The following ZNF276 variants were observed in gnomAD, a reference collection of about 807,000 sequenced individuals.
ZNF276 encodes centromere protein Z.
In ZNF276, 59 loss-of-function variants were observed where a neutral mutation model predicts 63.9. The ratio of observed to expected loss-of-function variants is 0.92; its 90% confidence interval spans 0.75 to 1.15. The LOEUF is 1.15. Among genes scored for constraint, ZNF276 ranks in the 50% most tolerant of loss-of-function variants. ZNF276 has a pLI of 0.00. For synonymous variants in ZNF276, 496 were observed against 348.4 expected, an observed-to-expected ratio of 1.42 and a Z score of -4.72; for missense variants, 1,084 against 843.8, an observed-to-expected ratio of 1.28 and a Z score of -3.53.
chr16:89,734,129 G>A, intron 9 of ZNF276, 91 bp downstream of exon 9: 7 of 1,250,770 alleles, frequency 5.6e-6, no homozygotes, highest in Non-Finnish European at 8.0e-6. Flanking sequence ...CCCGCCCCAA[G>A]AGTTGGGGGT....
intron 6 of ZNF276, 96 bp downstream of exon 6, chr16:89,729,414 A>G: frequency 3.6e-6 from 4 of 1,103,128 alleles, no homozygotes; most frequent in Non-Finnish European, 5.5e-6. Flanking sequence ...CACTCAGTTC[A>G]CTCTCTCGTG....
In ZNF276 at chr16:89,738,659, T is replaced by C. The variant is rs1414520846; in HGVS notation, c.*413T>C. On this transcript the variant is annotated 3_prime_UTR_variant, in exon 11 of 11. Transcript: ENST00000443381. The stretch of plus-strand genomic sequence containing the variant: ...GTCAGGGGCAGCCTGCTGTCTGCTC[T>C]GGAGGGCGGCGCTCACCTCTGGGTC... The C allele has an allele frequency of 2.5e-6, 4 of 1,613,704 alleles. No homozygotes were observed. In the South Asian group the frequency reaches 3.3e-5, roughly 13 times the overall value.
Position 89,738,618 on chromosome 16 carries a change from C to G in ZNF276, c.*372C>G, listed in dbSNP as rs1043241541. 1.1e-5 allele frequency: 17 copies of G among 1,613,496 alleles called. No homozygotes were observed. The highest frequency in any genetic ancestry group is 1.4e-5 in the Non-Finnish European group (17 of 1,180,014). ...AGGTCCCGTCAGAAGAGATGAGGCT[C>G]CTGGGACAGGTCAGCGTCAGGGGCA... On this transcript the variant is annotated 3_prime_UTR_variant, in exon 11 of 11. Coordinates refer to ENST00000443381, the MANE Select transcript of ZNF276 (RefSeq NM_001113525.2).
rs957457883 is a variant in ZNF276 at position 89,739,728 on chromosome 16, G to C, written c.*1482G>C. On this transcript the variant is annotated 3_prime_UTR_variant, in exon 11 of 11. Coordinates refer to ENST00000443381, the MANE Select transcript of ZNF276 (RefSeq NM_001113525.2). ...TACCTGTCAGCAGCTGGGAGAGGAT[G>C]GGGGGGTCGACCTCTTGCAGGAGGG... 25 of 1,494,102 alleles carry C rather than the reference G, an allele frequency of 1.7e-5. No individual in the cohort carries two copies. The East Asian group carries it at 3.5e-4, about 21-fold the overall frequency. The allele number at this position is 1,494,102 out of a possible 1,614,324, so 92.6% of individuals were successfully genotyped here.
At position 89,738,454 on chromosome 16, in the gene ZNF276, G is replaced by A. The variant is rs141761812; in HGVS notation, c.*208G>A. On this transcript the variant is annotated 3_prime_UTR_variant, in exon 11 of 11. Transcript: ENST00000443381. ...CGCAAACGCTGAGTGACTCGGGGCC[G>A]GACAGTTCATAAATAATTGATTCCT... 445 of 1,407,558 alleles carry A rather than the reference G, an allele frequency of 3.2e-4. 2 individuals are homozygous for A. The African/African-American group carries it at 4.7e-3, about 15-fold the overall frequency. The allele number at this position is 1,407,558 out of a possible 1,614,324, so 87.2% of individuals were successfully genotyped here.
Position 89,736,166 on chromosome 16 carries a change from T to C in ZNF276, c.1475-1640T>C, listed in dbSNP as rs530765087. Among the ~76,000 whole-genome samples, 4 of 152,028 alleles carry C rather than the reference T, an allele frequency of 2.6e-5. No individual in the cohort carries two copies. In the East Asian group the frequency reaches 7.8e-4, roughly 30 times the overall value. On this transcript the variant is annotated intron_variant, in intron 9 of 10. Coordinates refer to ENST00000443381, the MANE Select transcript of ZNF276 (RefSeq NM_001113525.2). ...TCGGCCTCCCGAAGTGCTGGGATTA[T>C]AAGCGTGAGCCATGACGCCTGGGTA...
rs562917320 is a variant in ZNF276, at chr16:89,738,794, T to G, written c.*548T>G. ...GGGGCTCTGGCAGAAATAGTCGAGT[T>G]GTATTGCCAGCCAGGCAGGCACATG... On this transcript the variant is annotated 3_prime_UTR_variant, in exon 11 of 11. Coordinates refer to ENST00000443381, the MANE Select transcript of ZNF276 (RefSeq NM_001113525.2). 27 of 1,613,432 alleles carry G rather than the reference T, an allele frequency of 1.7e-5. No individual in the cohort carries two copies. The highest frequency in any genetic ancestry group is 2.1e-5 in the Non-Finnish European group (25 of 1,179,712).
At chr16:89,736,967 C>A (rs549544285) in intron 9 of ZNF276, among the ~76,000 whole-genome samples, 1 of 152,214 alleles carries the variant, frequency 6.6e-6, no homozygotes, top group Non-Finnish European at 1.5e-5. Flanking sequence ...AGAGAAAAGT[C>A]TGTCTTGTGA....
chr16:89,724,944 C>G (rs1042509754), intron 4 of ZNF276, among the ~76,000 whole-genome samples: 1 of 152,164 alleles, frequency 6.6e-6, no homozygotes, highest in Non-Finnish European at 1.5e-5. Flanking sequence ...ATCTATCTAT[C>G]TATGTGTTTA....
chr16:89,723,101 G>A, intron 2 of ZNF276, 36 bp from the exon 3 acceptor site: 2 of 1,613,012 alleles, frequency 1.2e-6, no homozygotes, highest in Admixed American at 3.3e-5. Context: ...ACCTCCGCCT[G>A]CTTGTCCTGC....
rs572607355 is a variant in ZNF276 at position 89,724,697 on chromosome 16, T to C, written c.1006+988T>C. The stretch of plus-strand genomic sequence containing the variant: ...GTTTAGCTAGATACGGGTGCACAGA[T>C]GAGACAGTGCGGCTCGGGGGCCTCA... On this transcript the variant is annotated intron_variant, in intron 4 of 10. Coordinates refer to ENST00000443381, the MANE Select transcript of ZNF276 (RefSeq NM_001113525.2). Among the ~76,000 whole-genome samples the C allele has an allele frequency of 2.4e-4, 36 of 152,236 alleles. 1 individual carries two copies. The South Asian group carries it at 7.5e-3, about 32-fold the overall frequency.
In ZNF276 at chr16:89,739,344, T is replaced by TA. The variant is rs1215873478; in HGVS notation, c.*1098_*1099insA. On this transcript the variant is annotated 3_prime_UTR_variant, in exon 11 of 11. Coordinates refer to ENST00000443381, the MANE Select transcript of ZNF276 (RefSeq NM_001113525.2). ...TACAGACTGCTGGAAAGGTAGCAGG[T>TA]GATGCCAAGGGATACTGCTCATCTG... 2.6e-5 allele frequency: 42 copies of TA among 1,607,672 alleles called. No individual in the cohort carries two copies. The African/African-American group carries it at 3.7e-4, about 14-fold the overall frequency.
Position 89,723,471 on chromosome 16 carries a change from G to T in ZNF276, c.768G>T (p.Ala256=), listed in dbSNP as rs543905005. 1 of 1,613,018 alleles carries T rather than the reference G, an allele frequency of 6.2e-7. No individual in the cohort carries two copies. The highest frequency in any genetic ancestry group is 8.5e-7 in the Non-Finnish European group (1 of 1,180,034). Residue 256 remains alanine (A), a synonymous_variant, in exon 4 of 11, where the codon GCG becomes GCT. Coordinates refer to ENST00000443381, the MANE Select transcript of ZNF276 (RefSeq NM_001113525.2). Reference sequence around the variant, plus strand: ...GCAAGGCCTTCTTGCTGGACAGTGCGCTGGCAGTCAAGTGGCCATGGGACA... The same window carrying T: ...GCAAGGCCTTCTTGCTGGACAGTGCTCTGGCAGTCAAGTGGCCATGGGACA... ...SSCKAFLLDS[A]LAVKWPWDKE...
In ZNF276 at chr16:89,723,412, G is replaced by A. The variant is rs972240102; in HGVS notation, c.709G>A (p.Gly237Ser). The A allele has an allele frequency of 1.9e-6, 3 of 1,612,954 alleles. No homozygotes were observed. Among genetic ancestry groups the A allele is most frequent in the Non-Finnish European group, 2.5e-6 (3 of 1,180,004 alleles). The change falls in exon 4 of 11, where the codon GGC (glycine) becomes AGC (serine). Residue 237 changes from glycine (G) to serine (S), a missense_variant. Gly to Ser is a moderately conservative substitution (Grantham distance 56). Transcript: ENST00000443381. ...CCAGGTCGTGTGGGGCTGCGACCAG[G>A]GCCACGACTACACCATGGATACCAG... ...VIQVVWGCDQ[G>S]HDYTMDTSSS...
At chr16:89,723,972 C>G (rs1267704948) in intron 4 of ZNF276, among the ~76,000 whole-genome samples, 3 of 152,314 alleles carry the variant, frequency 2.0e-5, no homozygotes, top group East Asian at 3.9e-4. Flanking sequence ...CATCAGCCGT[C>G]GAGTCTTTTT....
chr16:89,723,081 A>T (rs771350322), intron 2 of ZNF276, 56 bp from the exon 3 acceptor site: 1 of 1,612,298 alleles, frequency 6.2e-7, no homozygotes, highest in Non-Finnish European at 8.5e-7. Flanking sequence ...CCGTACGACG[A>T]GCGCTGTGAA....
chr16:89,737,615 C>A, intron 9 of ZNF276, 191 bp from the exon 10 acceptor site: 1 of 1,097,044 alleles, frequency 9.1e-7, no homozygotes, highest in Non-Finnish European at 1.3e-6. Flanking sequence ...GATGAAGCCA[C>A]GTGACAGTGT....
chr16:89,734,795 C>T (rs757030220), intron 9 of ZNF276, among the ~76,000 whole-genome samples: 2 of 152,156 alleles, frequency 1.3e-5, no homozygotes, highest in South Asian at 2.1e-4. Context: ...TGTCTCTGTG[C>T]CCGTCTTATT....
chr16:89,733,583 G>C, intron 8 of ZNF276, 26 bp downstream of exon 8: 1 of 1,612,774 alleles, frequency 6.2e-7, no homozygotes, highest in South Asian at 1.1e-5. Context: ...GCCTGACCCA[G>C]GCCCGGCAGC....
Sources: gnomAD v4.1 joint callset for allele counts (sites outside exome capture counted in the v4.1 genomes callset) on GRCh38, gnomAD v4.1.1 for gene constraint, MANE v1.5 for transcripts, NCBI Gene and HGNC (gene_info 2026-07-23, HGNC 2026-07-21) for gene names.